The following RCBTB2 variants were observed in gnomAD, a reference collection of about 807,000 sequenced individuals.
The protein encoded by RCBTB2 is RCC1 and BTB domain containing protein 2.
Under a neutral mutation model 65.4 loss-of-function variants are expected in RCBTB2, and 55 were observed. The ratio of observed to expected loss-of-function variants is 0.84; its 90% CI spans 0.68 to 1.05. The LOEUF (loss-of-function observed/expected upper bound fraction) is 1.05, where lower values mean the gene tolerates loss of function less well. RCBTB2 is among the 50% of genes least tolerant of loss of function. The pLI is 0.00. For missense variants in RCBTB2, 599 were observed against 680.1 expected, an observed-to-expected ratio of 0.88 and a Z score of 1.33; for synonymous variants, 220 against 255.2, an observed-to-expected ratio of 0.86 and a Z score of 1.31.
chr13:48,524,805 G>A (rs556087576), intron 1 of RCBTB2, 48 bp from the exon 2 acceptor site: 1 of 152,166 alleles, frequency 6.6e-6, no homozygotes, highest in African/African-American at 2.4e-5. Context: ...AAAACAGAAG[G>A]AAAAGAATAT....
intron 1 of RCBTB2, among the ~76,000 whole-genome samples, chr13:48,527,099 GT>G (rs1367147764): frequency 2.0e-5 from 3 of 151,398 alleles, no homozygotes; most frequent in African/African-American, 7.3e-5. Flanking sequence ...GCTTACAAAT[GT>G]CCCCCCTTTT....
rs1949967350 is a variant in RCBTB2, at chr13:48,496,292, C to G, written c.1414G>C (p.Glu472Gln). 1 of 1,586,504 alleles carries G rather than the reference C, an allele frequency of 6.3e-7. No individual in the cohort carries two copies. The highest frequency in any genetic ancestry group is 8.6e-7 in the Non-Finnish European group (1 of 1,167,010). The change falls in exon 14 of 15, where the codon GAA becomes CAA. Residue 472 changes from glutamate to glutamine, a missense_variant. Coordinates refer to ENST00000344532, the MANE Select transcript of RCBTB2 (RefSeq NM_001268.4). ...TGGCAGAGCTTTTTCAAACGATTTT[C>G]TCTATAAAATGTAGCCAAGTCTAGC... ...GLLDLATFYR[E>Q]NRLKKLCQQT...
intron 13 of RCBTB2, 77 bp downstream of exon 13, chr13:48,499,544 T>A (rs1012845211): frequency 7.6e-6 from 11 of 1,451,140 alleles, no homozygotes; most frequent in Non-Finnish European, 1.0e-5. Context: ...CACAGTGACT[T>A]TCTTTTAGGT....
intron 14 of RCBTB2, among the ~76,000 whole-genome samples, chr13:48,491,329 C>G (rs1566250900): frequency 6.6e-6 from 1 of 152,164 alleles, no homozygotes; most frequent in East Asian, 1.9e-4. Context: ...AGAAACTATA[C>G]TAGGAAAATG....
At chr13:48,519,278 C>T (rs965817287) in intron 4 of RCBTB2, among the ~76,000 whole-genome samples, 13 of 152,212 alleles carry the variant, frequency 8.5e-5, no homozygotes, top group African/African-American at 3.1e-4. Context: ...ATAATACCTA[C>T]TGTGGGTTGT....
At chr13:48,508,634 C>T (rs1950622964) in intron 10 of RCBTB2, among the ~76,000 whole-genome samples, 1 of 152,154 alleles carries the variant, frequency 6.6e-6, no homozygotes, top group South Asian at 2.1e-4. Context: ...AAACTCCTGA[C>T]CTCAGGTGAT....
rs144858453 is a variant in RCBTB2, at chr13:48,502,873, G to C, written c.968C>G (p.Ala323Gly). Reference protein sequence around the residue: ...IAACHSTHTSAAKTQGGHVYM... With the variant: ...IAACHSTHTSGAKTQGGHVYM... ...CACGTGCCCACCCTGCGTCTTGGCC[G>C]CAGACGTGTGTGTGGAGTGACAGGC... The change falls in exon 11 of 15, where the codon GCG becomes GGG. Residue 323 changes from alanine (A) to glycine (G), a missense_variant. By Grantham distance (60) the Ala-to-Gly change is moderately conservative. Transcript: ENST00000344532. The C allele has an allele frequency of 1.2e-6, 2 of 1,613,876 alleles. No individual in the cohort carries two copies. Among genetic ancestry groups the C allele is most frequent in the Non-Finnish European group, 1.7e-6 (2 of 1,179,940 alleles).
rs1018789080 is a variant in RCBTB2 at position 48,512,903 on chromosome 13, TAAAAAG to T, written c.350-14_350-9del. The T allele has an allele frequency of 1.3e-6, 2 of 1,599,048 alleles. No individual in the cohort carries two copies. Among genetic ancestry groups the T allele is most frequent in the Non-Finnish European group, 1.7e-6 (2 of 1,171,608 alleles). On this transcript the variant is annotated splice_polypyrimidine_tract_variant and intron_variant, in intron 6 of 14. Coordinates refer to ENST00000344532, the MANE Select transcript of RCBTB2 (RefSeq NM_001268.4). ...AGGTAAAGACTTCTCCTTCTGAAAA[TAAAAAG>T]AAAGACAATCAGTTTTTTACAACAT...
At chr13:48,510,856 A>C (rs1435056715) in intron 9 of RCBTB2, 85 bp from the exon 10 acceptor site, 11 of 1,329,720 alleles carry the variant, frequency 8.3e-6, no homozygotes, top group Admixed American at 2.2e-5. Flanking sequence ...ATCAAAAATG[A>C]AAAAAAAAGG....
intron 1 of RCBTB2, 71 bp downstream of exon 1, chr13:48,532,957 G>A: frequency 2.2e-6 from 1 of 455,220 alleles, no homozygotes; most frequent in South Asian, 1.5e-5. Flanking sequence ...TGCCCCAGTG[G>A]TACCTGACAG....
At chr13:48,506,869 G>T (rs1399542380) in intron 10 of RCBTB2, among the ~76,000 whole-genome samples, 1 of 152,200 alleles carries the variant, frequency 6.6e-6, no homozygotes, top group Non-Finnish European at 1.5e-5. Context: ...GTCCTTTGGG[G>T]TAATGTTCTA....
At chr13:48,511,432 TTAAC>T (rs1261651016) in intron 9 of RCBTB2, among the ~76,000 whole-genome samples, 1 of 152,026 alleles carries the variant, frequency 6.6e-6, no homozygotes, top group East Asian at 1.9e-4. Context: ...ATGTATCTTC[TTAAC>T]TAATTCTGTA....
At chr13:48,496,457 GACTGAC>G (rs1949975634) in intron 13 of RCBTB2, 136 bp from the exon 14 acceptor site, 4 of 792,586 alleles carry the variant, frequency 5.0e-6, no homozygotes, top group Non-Finnish European at 7.2e-6. Context: ...GACTGATGCT[GACTGAC>G]ACTTACACTT....
intron 2 of RCBTB2, among the ~76,000 whole-genome samples, chr13:48,524,250 A>G (rs1207786705): frequency 1.3e-5 from 2 of 152,210 alleles, no homozygotes; most frequent in Non-Finnish European, 2.9e-5. Context: ...GGCTATTAAC[A>G]ATATGTTGAT....
At chr13:48,533,239 G>GGCTGCCCACC (rs1326896580), upstream of RCBTB2, 1 of 315,782 alleles carries the variant, frequency 3.2e-6, no homozygotes, top group Non-Finnish European at 6.2e-6. Context: ...CTCCTCCCTA[G>GGCTGCCCACC]GCTGCCCACC....
rs546208355 is a variant in RCBTB2, at chr13:48,494,847, A to G, written c.1515+1344T>C. 2.0e-5 allele frequency among the ~76,000 whole-genome samples: 3 copies of G among 152,160 alleles called. No homozygotes were observed. The East Asian group carries it at 5.8e-4, about 29-fold the overall frequency. ...AACATTCACTGTGCTGTTAAATGTC[A>G]TTGTTTTGAGGTAGTACTTTTTTTT... is the stretch of plus-strand genomic sequence containing the variant. On this transcript the variant is annotated intron_variant, in intron 14 of 14. Coordinates refer to ENST00000344532, the MANE Select transcript of RCBTB2 (RefSeq NM_001268.4).
chr13:48,496,880 G>A (rs1002973779), intron 13 of RCBTB2, among the ~76,000 whole-genome samples: 6 of 149,702 alleles, frequency 4.0e-5, no homozygotes, highest in African/African-American at 1.0e-4. Context: ...TCATGGACAC[G>A]TGTCTTCCTC....
intron 9 of RCBTB2, among the ~76,000 whole-genome samples, chr13:48,511,274 T>C (rs571927987): frequency 7.2e-5 from 11 of 152,318 alleles, no homozygotes; most frequent in African/African-American, 2.6e-4. Context: ...ATAGCAGTTT[T>C]CCATGTCATT....
intron 10 of RCBTB2, among the ~76,000 whole-genome samples, chr13:48,504,959 C>G (rs1950420757): frequency 1.3e-5 from 2 of 152,092 alleles, no homozygotes; most frequent in Non-Finnish European, 2.9e-5. Context: ...TGAAAACCAC[C>G]CAAAAATACT....
Sources: gnomAD v4.1 joint callset for allele counts (sites outside exome capture counted in the v4.1 genomes callset) on GRCh38, gnomAD v4.1.1 for gene constraint, MANE v1.5 for transcripts, NCBI Gene and HGNC (gene_info 2026-07-23, HGNC 2026-07-21) for gene names.